Variants in ABL2 observed in about 807,000 individuals in gnomAD.
ABL2 encodes ABL proto-oncogene 2, non-receptor tyrosine kinase.
Under a neutral mutation model 107.7 loss-of-function variants are expected in ABL2, and 49 were observed. The ratio of observed to expected loss-of-function variants is 0.45; its 90% CI spans 0.36 to 0.58. The LOEUF (loss-of-function observed/expected upper bound fraction) is 0.58. Among genes scored for constraint, ABL2 ranks in the 20% least tolerant of loss-of-function variants. ABL2 has a pLI of 0.00. For synonymous variants in ABL2, 549 were observed against 548.6 expected (o/e 1.00, Z -0.01); for missense variants, 1,245 against 1,457.0 (o/e 0.85, Z 2.37).
intron 1 of ABL2, among the ~76,000 whole-genome samples, chr1:179,157,069 C>T (rs1658742441): frequency 6.6e-6 from 1 of 152,102 alleles, no homozygotes; most frequent in South Asian, 2.1e-4. Context: ...TGCTTTAACT[C>T]CACCACCACT....
At chr1:179,117,022 G>T (rs547330177) in intron 8 of ABL2, 17 of 362,674 alleles carry the variant, frequency 4.7e-5, no homozygotes, top group Admixed American at 4.6e-4. Context: ...GTAGTTAGTA[G>T]AGATGGGAGT....
chr1:179,205,980 C>T (rs987407498), intron 1 of ABL2, among the ~76,000 whole-genome samples: 5 of 152,146 alleles, frequency 3.3e-5, no homozygotes, highest in Non-Finnish European at 5.9e-5. Flanking sequence ...CTTGCATCAG[C>T]CCTCTATTAG....
rs1389875435 is a variant in ABL2, at chr1:179,100,042, A to T, written c.*7676T>A. 4.3e-6 allele frequency: 1 copy of T among 232,376 alleles called. No individual in the cohort carries two copies. Among genetic ancestry groups the T allele is most frequent in the East Asian group, 6.1e-5 (1 of 16,496 alleles). The allele number at this position is 232,376 out of a possible 1,614,324, so 14.4% of individuals were successfully genotyped here. ...CACGTGTATTTATGGACACAAACACACACCAGCTATACAGATCTGAGATGA... is the reference window on the plus strand; with the variant it reads ...CACGTGTATTTATGGACACAAACACTCACCAGCTATACAGATCTGAGATGA... On this transcript the variant is annotated 3_prime_UTR_variant, in exon 12 of 12. Transcript: ENST00000502732.
chr1:179,121,912 AG>A, intron 4 of ABL2, 45 bp from the exon 5 acceptor site: 3 of 1,120,072 alleles, frequency 2.7e-6, no homozygotes, highest in South Asian at 1.7e-5. Context: ...AAAGAGATTA[AG>A]AATTTTTTTT....
chr1:179,199,211 T>C (rs899842635), intron 1 of ABL2, among the ~76,000 whole-genome samples: 1 of 152,200 alleles, frequency 6.6e-6, no homozygotes, highest in African/African-American at 2.4e-5. Flanking sequence ...AAATCAGTTA[T>C]TGAAACCTAC....
intron 1 of ABL2, chr1:179,184,296 G>A (rs553410263): frequency 5.0e-5 from 27 of 540,208 alleles, no homozygotes; most frequent in African/African-American, 1.8e-4. Flanking sequence ...TATCTTCAAC[G>A]AATTTCATTT....
chr1:179,143,402 G>C (rs1259643277), intron 1 of ABL2, among the ~76,000 whole-genome samples: 1 of 152,176 alleles, frequency 6.6e-6, no homozygotes, highest in African/African-American at 2.4e-5. Flanking sequence ...ATGATGAGGT[G>C]AGACTAGAGA....
chr1:179,186,893 T>C (rs1213903702), intron 1 of ABL2, among the ~76,000 whole-genome samples: 1 of 151,708 alleles, frequency 6.6e-6, no homozygotes, highest in Non-Finnish European at 1.5e-5. Flanking sequence ...CATGCCACCA[T>C]GCTTGGCTAA....
chr1:179,200,117 G>A (rs1010155708), intron 1 of ABL2, among the ~76,000 whole-genome samples: 2 of 145,280 alleles, frequency 1.4e-5, no homozygotes, highest in African/African-American at 5.1e-5. Context: ...TACAGCCTTG[G>A]CTCACTGCAA....
At chr1:179,149,672 A>G (rs1571203055) in intron 1 of ABL2, among the ~76,000 whole-genome samples, 2 of 152,256 alleles carry the variant, frequency 1.3e-5, no homozygotes, top group East Asian at 3.8e-4. Flanking sequence ...GTTACACTAA[A>G]TCTATTCCAC....
At position 179,109,070 on chromosome 1, in the gene ABL2, C is replaced by T. The variant is rs2102579525; in HGVS notation, c.2197G>A (p.Gly733Ser). The change falls in exon 12 of 12, where the codon GGT (glycine) becomes AGT (serine). Residue 733 changes from glycine (G) to serine (S), a missense_variant. By Grantham distance (56) the Gly-to-Ser change is moderately conservative. Coordinates refer to ENST00000502732, the MANE Select transcript of ABL2 (RefSeq NM_007314.4). Reference protein sequence around the residue: ...AQRNLCNDDGGGGGGSGTAGG... With the variant: ...AQRNLCNDDGSGGGGSGTAGG... ...GCAGTGCCACTGCCCCCACCCCCAC[C>T]ACCGTCGTCATTACAGAGGTTCCTC... 2 of 1,609,930 alleles carry T rather than the reference C, an allele frequency of 1.2e-6. No individual in the cohort carries two copies. The highest frequency in any genetic ancestry group is 1.1e-5 in the South Asian group (1 of 90,612).
intron 1 of ABL2, among the ~76,000 whole-genome samples, chr1:179,206,180 A>G (rs1012607273): frequency 6.6e-6 from 1 of 152,230 alleles, no homozygotes; most frequent in African/African-American, 2.4e-5. Context: ...ATAAAAGTAC[A>G]ATAATTAAAA....
chr1:179,102,241 G>A lies in ABL2; in HGVS notation c.*5477C>T, dbSNP rs961587312. ...TTAGCCAGGATGGTCTCAATCTCCTGACCTCGTGATCCACCCGCCTCAGCC... is the reference window on the plus strand; with the variant it reads ...TTAGCCAGGATGGTCTCAATCTCCTAACCTCGTGATCCACCCGCCTCAGCC... On this transcript the variant is annotated 3_prime_UTR_variant, in exon 12 of 12. Coordinates refer to ENST00000502732, the MANE Select transcript of ABL2 (RefSeq NM_007314.4). The A allele has an allele frequency of 1.1e-5, 2 of 175,604 alleles. No homozygotes were observed. The highest frequency in any genetic ancestry group is 4.7e-5 in the African/African-American group (2 of 42,124). The allele number at this position is 175,604 out of a possible 1,614,324, so 10.9% of individuals were successfully genotyped here. A position where few individuals can be genotyped will look rare whatever the true frequency, so the allele number is the denominator to read the frequency against.
At chr1:179,112,536 T>C in intron 9 of ABL2, 138 bp from the exon 10 acceptor site, 1 of 605,238 alleles carries the variant, frequency 1.7e-6, no homozygotes. Flanking sequence ...GATAGCAACA[T>C]AGCCACTTCT....
intron 1 of ABL2, among the ~76,000 whole-genome samples, chr1:179,199,453 A>C (rs991714988): frequency 6.6e-6 from 1 of 152,072 alleles, no homozygotes; most frequent in Non-Finnish European, 1.5e-5. Context: ...AACAATAAAC[A>C]GAAGAGAAAC....
At chr1:179,222,886 G>A (rs994091761) in intron 1 of ABL2, among the ~76,000 whole-genome samples, 4 of 151,828 alleles carry the variant, frequency 2.6e-5, no homozygotes, top group South Asian at 2.1e-4. Context: ...TGAGGTGGGC[G>A]GATCATTTGA....
intron 1 of ABL2, among the ~76,000 whole-genome samples, chr1:179,185,472 GA>G: frequency 6.7e-6 from 1 of 149,954 alleles, no homozygotes; most frequent in Admixed American, 6.6e-5. Flanking sequence ...TGTTTCACTG[GA>G]AAGGAAAGAT....
Position 179,229,405 on chromosome 1 carries a change from C to A in ABL2, c.-8G>T, listed in dbSNP as rs746270479. 15 of 1,508,448 alleles carry A rather than the reference C, an allele frequency of 9.9e-6. No individual in the cohort carries two copies. Among genetic ancestry groups the A allele is most frequent in the Middle Eastern group, 2.5e-4 (1 of 4,046 alleles). The allele number at this position is 1,508,448 out of a possible 1,614,324, so 93.4% of individuals were successfully genotyped here. A position where few individuals can be genotyped will look rare whatever the true frequency, so the allele number is the denominator to read the frequency against. ...GCCCACCTGCTGCCCCATCCCTGCTCTCGCGTACTCCCGCGCCCCCGCCGA... is the reference window on the plus strand; with the variant it reads ...GCCCACCTGCTGCCCCATCCCTGCTATCGCGTACTCCCGCGCCCCCGCCGA... On this transcript the variant is annotated 5_prime_UTR_variant, in exon 1 of 12. Transcript: ENST00000502732.
rs960409125 is a variant in ABL2 at position 179,099,686 on chromosome 1, C to A, written c.*8032G>T. 2.2e-5 allele frequency: 5 copies of A among 231,088 alleles called. No individual in the cohort carries two copies. The highest frequency in any genetic ancestry group is 1.1e-4 in the African/African-American group (5 of 45,342). The allele number at this position is 231,088 out of a possible 1,614,324, so 14.3% of individuals were successfully genotyped here. A position where few individuals can be genotyped will look rare whatever the true frequency, so the allele number is the denominator to read the frequency against. ...CCACATACACACCTGCGGGGCGGGA[C>A]CTTTGGTATAAACGTTCAACGAGTT... On this transcript the variant is annotated 3_prime_UTR_variant, in exon 12 of 12. Coordinates refer to ENST00000502732, the MANE Select transcript of ABL2 (RefSeq NM_007314.4).
Sources: allele counts gnomAD v4.1 joint callset (sites outside exome capture counted in the v4.1 genomes callset), GRCh38; gene constraint gnomAD v4.1.1; transcripts MANE v1.5; gene names NCBI Gene and HGNC (gene_info 2026-07-23, HGNC 2026-07-21).